Variants in AXIN1 observed in about 807,000 individuals in gnomAD.
The protein encoded by AXIN1 is axin-1.
A neutral mutation model predicts 76.4 loss-of-function variants in AXIN1; 30 were observed. That is an observed-to-expected ratio of 0.39 (90% CI 0.29 to 0.53). The LOEUF (loss-of-function observed/expected upper bound fraction) is 0.53, where lower values mean the gene tolerates loss of function less well. Ranked by LOEUF, AXIN1 falls within the 20% of genes least tolerant of loss-of-function variation. The pLI, the probability that AXIN1 is intolerant of heterozygous loss-of-function variation, is 0.66. For missense variants in AXIN1, 1,140 were observed against 1,198.8 expected (o/e 0.95, Z 0.72); for synonymous variants, 545 against 501.4 (o/e 1.09, Z -1.16).
chr16:295,457 C>T (rs781363356), intron 7 of AXIN1, among the ~76,000 whole-genome samples: 91 of 151,862 alleles, frequency 6.0e-4, no homozygotes, highest in Non-Finnish European at 1.0e-3. Context: ...TAGAGGCCGG[C>T]GGATAGCTTT....
At position 290,170 on chromosome 16, in the gene AXIN1, G is replaced by T. The variant is rs111814760; in HGVS notation, c.2295-563C>A. 2.6e-3 allele frequency: 438 copies of T among 168,074 alleles called. 3 individuals carry two copies. Among genetic ancestry groups the T allele is most frequent in the African/African-American group, 0.01 (423 of 41,908 alleles). 10.4% of individuals were successfully genotyped at this position (168,074 alleles called of 1,614,324 possible). A position where few individuals can be genotyped will look rare whatever the true frequency, so the allele number is the denominator to read the frequency against. On this transcript the variant is annotated intron_variant, in intron 9 of 10. Transcript: ENST00000262320. The stretch of plus-strand genomic sequence containing the variant: ...CTTCCACAGCCGTGCCGGGATGACG[G>T]GCGGGGCCTGGTTGCTCTCGCACCC...
At chr16:305,124 C>A (rs1391078093) in intron 4 of AXIN1, among the ~76,000 whole-genome samples, 2 of 152,216 alleles carry the variant, frequency 1.3e-5, no homozygotes, top group African/African-American at 4.8e-5. Context: ...GGGAAGGACG[C>A]CCAGGATTTG....
At chr16:326,331 G>C (rs2053577956) in intron 2 of AXIN1, among the ~76,000 whole-genome samples, 1 of 111,286 alleles carries the variant, frequency 9.0e-6, no homozygotes, top group African/African-American at 3.6e-5. Flanking sequence ...TCCAGCCTGG[G>C]CAACAAGAGC....
intron 2 of AXIN1, among the ~76,000 whole-genome samples, chr16:327,118 G>A (rs1408356133): frequency 1.3e-5 from 2 of 151,770 alleles, no homozygotes; most frequent in East Asian, 1.9e-4. Flanking sequence ...CTCCAACCTG[G>A]GCGACAGAGC....
At chr16:304,196 AG>A in intron 5 of AXIN1, 107 bp downstream of exon 5, 1 of 1,575,794 alleles carries the variant, frequency 6.3e-7, no homozygotes, top group Non-Finnish European at 8.6e-7. Context: ...ATGGGTCAGC[AG>A]GCCTCGGCCA....
At chr16:320,764 G>A (rs1275050520) in intron 2 of AXIN1, among the ~76,000 whole-genome samples, 1 of 66,482 alleles carries the variant, frequency 1.5e-5, no homozygotes, top group East Asian at 2.2e-4. Flanking sequence ...TTTTGAGACG[G>A]AGCCTCGCTC....
intron 2 of AXIN1, among the ~76,000 whole-genome samples, chr16:339,318 A>G (rs1427365856): frequency 7.3e-5 from 11 of 151,084 alleles, no homozygotes. Context: ...CCTGGCTAAC[A>G]AGGTGAAACC....
chr16:339,696 C>A (rs1157687031), intron 2 of AXIN1, among the ~76,000 whole-genome samples: 1 of 151,692 alleles, frequency 6.6e-6, no homozygotes, highest in Non-Finnish European at 1.5e-5. Flanking sequence ...AAAAAAAATT[C>A]TCTTCAGATC....
chr16:291,060 T>G, intron 9 of AXIN1, 130 bp downstream of exon 9: 1 of 859,048 alleles, frequency 1.2e-6, no homozygotes, highest in Middle Eastern at 2.9e-4. Context: ...CGGGACCCTC[T>G]CCTGCCACAG....
Position 312,089 on chromosome 16 carries a change from C to G in AXIN1, c.1020-2020G>C, listed in dbSNP as rs146473545. Among the ~76,000 whole-genome samples the G allele has an allele frequency of 3.8e-3, 581 of 152,296 alleles. 3 individuals are homozygous for G. Among genetic ancestry groups the G allele is most frequent in the South Asian group, 0.012 (59 of 4,818 alleles). On this transcript the variant is annotated intron_variant, in intron 3 of 10. Coordinates refer to ENST00000262320, the MANE Select transcript of AXIN1 (RefSeq NM_003502.4). Reference sequence around the variant, plus strand: ...GAAGTGTCCTGAAGCCACCAACCTACTGGTTTCTTAGACATGATACTTGGA... The same window carrying G: ...GAAGTGTCCTGAAGCCACCAACCTAGTGGTTTCTTAGACATGATACTTGGA...
chr16:326,220 G>A (rs2053575597), intron 2 of AXIN1, among the ~76,000 whole-genome samples: 1 of 151,148 alleles, frequency 6.6e-6, no homozygotes, highest in South Asian at 2.1e-4. Flanking sequence ...TGGGCATGGC[G>A]ACAGGCGCCC....
intron 4 of AXIN1, among the ~76,000 whole-genome samples, chr16:307,424 C>A (rs11864322): frequency 6.6e-6 from 1 of 152,170 alleles, no homozygotes; most frequent in African/African-American, 2.4e-5. Context: ...CGTGAAACTT[C>A]CAAGTAATTG....
intron 2 of AXIN1, among the ~76,000 whole-genome samples, chr16:332,293 C>T (rs2053706691): frequency 6.6e-6 from 1 of 152,164 alleles, no homozygotes; most frequent in Non-Finnish European, 1.5e-5. Flanking sequence ...AAACCTGCAG[C>T]CAGGCTGGGC....
chr16:288,430 G>A (rs565333089), intron 10 of AXIN1, 182 bp from the exon 11 acceptor site: 9 of 885,342 alleles, frequency 1.0e-5, no homozygotes, highest in Non-Finnish European at 1.6e-5. Flanking sequence ...CCACATGTGG[G>A]TGAAGTGGGC....
intron 4 of AXIN1, among the ~76,000 whole-genome samples, chr16:306,569 C>T (rs1168338237): frequency 2.0e-5 from 3 of 152,182 alleles, no homozygotes; most frequent in East Asian, 1.9e-4. Context: ...GTAGAAACAG[C>T]ATCTAAACCT....
At chr16:337,414 G>A (rs2053828460) in intron 2 of AXIN1, among the ~76,000 whole-genome samples, 1 of 147,954 alleles carries the variant, frequency 6.8e-6, no homozygotes, top group Admixed American at 6.8e-5. Context: ...ACTCCTTAGG[G>A]TTATTTTAAA....
chr16:290,243 G>A (rs2052517708), intron 9 of AXIN1: 1 of 161,996 alleles, frequency 6.2e-6, no homozygotes. Flanking sequence ...GACTCCAGAA[G>A]CTGCCCCTGG....
Position 346,396 on chromosome 16 carries a change from A to G in AXIN1, c.630T>C (p.Tyr210=), listed in dbSNP as rs1567307810. 1 of 1,614,158 alleles carries G rather than the reference A, an allele frequency of 6.2e-7. No homozygotes were observed. Among genetic ancestry groups the G allele is most frequent in the African/African-American group, 1.3e-5 (1 of 75,048 alleles). ...SFLKSDIYLE[Y]TRTGSESPKV... is the part of the protein sequence containing the mutation. ...TGGGGCTCTCCGAGCCTGTCCTCGT[A>G]TATTCCAAATAAATATCAGACTTAA... Residue 210 remains tyrosine, a synonymous_variant, in exon 2 of 11, where the codon TAT becomes TAC. Transcript: ENST00000262320.
At chr16:349,534 A>C (rs2054101381) in intron 1 of AXIN1, among the ~76,000 whole-genome samples, 2 of 152,208 alleles carry the variant, frequency 1.3e-5, no homozygotes, top group South Asian at 4.1e-4. Flanking sequence ...GATTAATCAG[A>C]CAGTGCTCAG....
Sources: gnomAD v4.1 joint callset for allele counts (sites outside exome capture counted in the v4.1 genomes callset) on GRCh38, gnomAD v4.1.1 for gene constraint, MANE v1.5 for transcripts, NCBI Gene and HGNC (gene_info 2026-07-23, HGNC 2026-07-21) for gene names.